The following CADPS variants were observed in gnomAD, a reference collection of about 807,000 sequenced individuals.
CADPS encodes the protein calcium dependent secretion activator, also known as calcium-dependent secretion activator 1.
In CADPS, 57 loss-of-function variants were observed where a neutral mutation model predicts 167.3. That is an observed-to-expected ratio of 0.34 (90% confidence interval 0.28 to 0.42). The LOEUF is 0.42. CADPS is among the 20% of genes least tolerant of loss of function. The probability of loss-of-function intolerance (pLI) is 1.00; values close to 1 mark genes in which losing one functional copy is unlikely to be tolerated. For synonymous variants in CADPS, 676 were observed against 635.3 expected, an observed-to-expected ratio of 1.06 and a Z score of -0.96; for missense variants, 1,414 against 1,738.1, an observed-to-expected ratio of 0.81 and a Z score of 3.32.
intron 27 of CADPS, 31 bp downstream of exon 27, chr3:62,445,734 A>AC: frequency 7.0e-7 from 1 of 1,430,722 alleles, no homozygotes; most frequent in South Asian, 1.4e-5. Flanking sequence ...AAACAAAAAA[A>AC]CCCCATGAGA....
At chr3:62,684,157 C>T (rs1035188648) in intron 3 of CADPS, among the ~76,000 whole-genome samples, 7 of 151,936 alleles carry the variant, frequency 4.6e-5, no homozygotes, top group African/African-American at 1.7e-4. Flanking sequence ...ATATGTTTTC[C>T]ATTTCTGTCT....
intron 1 of CADPS, among the ~76,000 whole-genome samples, chr3:62,771,940 A>T (rs905994453): frequency 4.6e-5 from 7 of 152,320 alleles, no homozygotes; most frequent in African/African-American, 1.7e-4. Context: ...CTGAAGTCAG[A>T]GCAAGCTCAA....
intron 27 of CADPS, among the ~76,000 whole-genome samples, chr3:62,442,705 C>A (rs1036788031): frequency 6.6e-6 from 1 of 152,088 alleles, no homozygotes; most frequent in African/African-American, 2.4e-5. Flanking sequence ...GCTACTCTAC[C>A]ACACCCCTGG....
intron 6 of CADPS, among the ~76,000 whole-genome samples, chr3:62,632,911 G>C (rs2065567268): frequency 2.6e-5 from 4 of 152,164 alleles, no homozygotes; most frequent in Middle Eastern, 6.8e-3. Context: ...AAAACGGCCA[G>C]CTTGAGAACT....
chr3:62,563,371 A>G (rs2079526280), intron 9 of CADPS, among the ~76,000 whole-genome samples: 1 of 152,160 alleles, frequency 6.6e-6, no homozygotes, highest in Non-Finnish European at 1.5e-5. Flanking sequence ...CCAAGGCATT[A>G]TATATTATCT....
chr3:62,468,254 T>A (rs1344048342), intron 24 of CADPS, among the ~76,000 whole-genome samples: 1 of 152,186 alleles, frequency 6.6e-6, no homozygotes, highest in African/African-American at 2.4e-5. Context: ...AATCACATGC[T>A]TACTTTTCCT....
chr3:62,525,092 T>C (rs971498130), intron 13 of CADPS, among the ~76,000 whole-genome samples: 14 of 152,172 alleles, frequency 9.2e-5, no homozygotes, highest in Non-Finnish European at 1.8e-4. Context: ...GACTATGGGA[T>C]AAAGACACAT....
intron 3 of CADPS, among the ~76,000 whole-genome samples, chr3:62,672,721 T>C (rs2075743751): frequency 6.6e-6 from 1 of 152,204 alleles, no homozygotes; most frequent in Non-Finnish European, 1.5e-5. Context: ...CCTCCTGGGC[T>C]GAAGTGATTC....
intron 1 of CADPS, among the ~76,000 whole-genome samples, chr3:62,847,282 T>C (rs1411444464): frequency 1.4e-5 from 2 of 140,278 alleles, no homozygotes; most frequent in South Asian, 2.1e-4. Context: ...TTTTTTTAAC[T>C]TTTTTTTTTT....
chr3:62,525,664 G>A (rs185216068), intron 13 of CADPS, among the ~76,000 whole-genome samples: 336 of 133,562 alleles, frequency 2.5e-3, no homozygotes, highest in Non-Finnish European at 3.8e-3. Context: ...GAGAAGCACC[G>A]GATGTAATGT....
intron 6 of CADPS, among the ~76,000 whole-genome samples, chr3:62,617,591 GAGATTT>G (rs1206051241): frequency 6.6e-6 from 1 of 152,110 alleles, no homozygotes; most frequent in African/African-American, 2.4e-5. Flanking sequence ...CATGTGTGAT[GAGATTT>G]ATGAAGGTGA....
At chr3:62,768,455 C>T (rs115955580) in intron 1 of CADPS, among the ~76,000 whole-genome samples, 68 of 152,262 alleles carry the variant, frequency 4.5e-4, no homozygotes, top group Admixed American at 7.2e-4. Flanking sequence ...TATGCACATA[C>T]CATATGAATG....
At chr3:62,436,112 G>C (rs1441147547) in intron 28 of CADPS, among the ~76,000 whole-genome samples, 1 of 152,040 alleles carries the variant, frequency 6.6e-6, no homozygotes, top group African/African-American at 2.4e-5. Context: ...TTTCCTTTAA[G>C]AAGAGCCACA....
At chr3:62,638,043 A>C (rs574382492) in intron 6 of CADPS, among the ~76,000 whole-genome samples, 1 of 150,622 alleles carries the variant, frequency 6.6e-6, no homozygotes, top group African/African-American at 2.5e-5. Flanking sequence ...AATAGTCAAT[A>C]GGACTACTAT....
chr3:62,673,097 G>A (rs530750283), intron 3 of CADPS, among the ~76,000 whole-genome samples: 24 of 152,320 alleles, frequency 1.6e-4, no homozygotes, highest in African/African-American at 4.1e-4. Context: ...CATGTTCTGT[G>A]CAAGACTGTA....
chr3:62,689,138 A>G (rs1317264106), intron 3 of CADPS, among the ~76,000 whole-genome samples: 1 of 152,114 alleles, frequency 6.6e-6, no homozygotes, highest in Non-Finnish European at 1.5e-5. Context: ...ATGTTGAATA[A>G]GGAATGGCTG....
intron 1 of CADPS, among the ~76,000 whole-genome samples, chr3:62,778,530 C>A (rs1201580889): frequency 6.6e-6 from 1 of 152,292 alleles, no homozygotes. Flanking sequence ...CCTCTTTAGT[C>A]TGAACTCCCT....
At chr3:62,811,186 C>T (rs772783282) in intron 1 of CADPS, among the ~76,000 whole-genome samples, 2 of 152,094 alleles carry the variant, frequency 1.3e-5, no homozygotes, top group Non-Finnish European at 2.9e-5. Context: ...AAATGCTCCA[C>T]AAGATTGTTA....
intron 2 of CADPS, among the ~76,000 whole-genome samples, chr3:62,761,408 C>A (rs757098243): frequency 4.0e-5 from 6 of 151,674 alleles, no homozygotes; most frequent in African/African-American, 1.5e-4. Context: ...ACAACAACAA[C>A]AAAAAAACAA....
Sources: allele counts gnomAD v4.1 joint callset (sites outside exome capture counted in the v4.1 genomes callset), GRCh38; gene constraint gnomAD v4.1.1; transcripts MANE v1.5; gene names NCBI Gene and HGNC (gene_info 2026-07-23, HGNC 2026-07-21).